The following TLR1 variants were observed in gnomAD, a reference collection of about 807,000 sequenced individuals.
TLR1 encodes the protein toll-like receptor 1.
In TLR1, 19 loss-of-function variants were observed where a neutral mutation model predicts 20.2. The ratio of observed to expected loss-of-function variants is 0.94; its 90% confidence interval spans 0.66 to 1.38. The LOEUF is 1.38. Among genes scored for constraint, TLR1 ranks in the 40% most tolerant of loss-of-function variants. TLR1 has a pLI of 0.00. For missense variants in TLR1, 921 were observed against 910.0 expected (o/e 1.01, Z -0.16); for synonymous variants, 320 against 334.5 (o/e 0.96, Z 0.47).
chr4:38,805,372 T>C (rs1249338789), upstream of TLR1: 3 of 152,328 alleles, frequency 2.0e-5, no homozygotes, highest in East Asian at 5.8e-4. Context: ...TTTCAAGCTT[T>C]CTTCAAAACA....
In TLR1 at chr4:38,798,411, G is replaced by C. The variant is rs1332062731; in HGVS notation, c.421C>G (p.Leu141Val). Reference sequence around the variant, plus strand: ...GTGGTGCTCAACCCCAGAAATTTTAGTTGAGACATATTGCCAAACTCTTTG... The same window carrying C: ...GTGGTGCTCAACCCCAGAAATTTTACTTGAGACATATTGCCAAACTCTTTG... Reference protein sequence around the residue: ...ICKEFGNMSQLKFLGLSTTHL... With the variant: ...ICKEFGNMSQVKFLGLSTTHL... Residue 141 changes from leucine (L) to valine (V), a missense_variant, in exon 4 of 4, where the codon CTA becomes GTA. Transcript: ENST00000308979. The C allele has an allele frequency of 2.5e-6, 4 of 1,613,392 alleles. No homozygotes were observed. The highest frequency in any genetic ancestry group is 2.2e-5 in the East Asian group (1 of 44,884).
At chr4:38,803,937 A>G (rs1332470218) in intron 2 of TLR1, among the ~76,000 whole-genome samples, 1 of 152,216 alleles carries the variant, frequency 6.6e-6, no homozygotes, top group Non-Finnish European at 1.5e-5. Flanking sequence ...GGAGGCATCA[A>G]ATCAAGGCTT....
chr4:38,798,983 T>A, intron 3 of TLR1, 85 bp from the exon 4 acceptor site: 1 of 667,536 alleles, frequency 1.5e-6, no homozygotes, highest in Non-Finnish European at 2.4e-6. Flanking sequence ...ATTAAACTTT[T>A]TTTTGTTACA....
intron 3 of TLR1, among the ~76,000 whole-genome samples, chr4:38,799,911 C>T (rs983028521): frequency 1.3e-5 from 2 of 152,002 alleles, no homozygotes; most frequent in Non-Finnish European, 2.9e-5. Context: ...AAGATAAAGT[C>T]CGAATTCTCA....
upstream of TLR1, chr4:38,805,119 G>T (rs183519767): frequency 1.3e-5 from 2 of 152,270 alleles, no homozygotes; most frequent in African/African-American, 4.8e-5. Flanking sequence ...TACCGTGGTG[G>T]CTATGCTTGG....
Position 38,797,014 on chromosome 4 carries a change from C to A in TLR1, c.1818G>T (p.Leu606=). The A allele has an allele frequency of 1.2e-6, 2 of 1,614,190 alleles. No individual in the cohort carries two copies. Among genetic ancestry groups the A allele is most frequent in the Non-Finnish European group, 1.7e-6 (2 of 1,180,040 alleles). ...GGCACACCATCCTGAGATACCAGGG[C>A]AGATCCAAGTAGCTGCAGAGGGAGG... ...TVTSLCSYLD[L]PWYLRMVCQW... is the part of the protein sequence containing the mutation. Residue 606 remains leucine (L), a synonymous_variant, in exon 4 of 4, where the codon CTG becomes CTT. Coordinates refer to ENST00000308979, the MANE Select transcript of TLR1 (RefSeq NM_003263.4).
downstream of TLR1, among the ~76,000 whole-genome samples, chr4:38,795,621 A>T (rs149277446): frequency 6.6e-6 from 1 of 152,234 alleles, no homozygotes; most frequent in Admixed American, 6.5e-5. Context: ...CTGAGGTGGA[A>T]CACTTTCTTG....
downstream of TLR1, among the ~76,000 whole-genome samples, chr4:38,789,947 A>C (rs1725679507): frequency 2.0e-5 from 3 of 152,204 alleles, no homozygotes; most frequent in African/African-American, 7.2e-5. Flanking sequence ...TCTTGTAGTT[A>C]ATAATTGCCT....
At chr4:38,788,411 C>A (rs1242947051), downstream of TLR1, among the ~76,000 whole-genome samples, 1 of 152,198 alleles carries the variant, frequency 6.6e-6, no homozygotes, top group East Asian at 1.9e-4. Flanking sequence ...CTTAGCATTG[C>A]TCTTAGGCAG....
chr4:38,788,170 G>A (rs544941066), downstream of TLR1, among the ~76,000 whole-genome samples: 3 of 152,168 alleles, frequency 2.0e-5, no homozygotes, highest in East Asian at 3.9e-4. Flanking sequence ...AGCACTGGGA[G>A]GAGAGGATCA....
rs200178542 is a variant in TLR1, at chr4:38,798,730, G to A, written c.102C>T (p.Asn34=). The A allele has an allele frequency of 7.3e-5, 117 of 1,612,938 alleles. No individual in the cohort carries two copies. The highest frequency in any genetic ancestry group is 1.2e-4 in the Admixed American group (7 of 59,954). ...ESEFLVDRSK[N]GLIHVPKDLS... ...GGTCTTTAGGAACGTGGATGAGACC[G>A]TTTTTTGACCTATCAACTAAAAATT... The change falls in exon 4 of 4, where the codon AAC becomes AAT. Residue 34 remains asparagine (N), a synonymous_variant. Coordinates refer to ENST00000308979, the MANE Select transcript of TLR1 (RefSeq NM_003263.4).
chr4:38,802,464 C>G (rs1201545594), intron 2 of TLR1, among the ~76,000 whole-genome samples: 1 of 152,232 alleles, frequency 6.6e-6, no homozygotes, highest in African/African-American at 2.4e-5. Context: ...ATGTACACAA[C>G]TTCAGTAAAC....
downstream of TLR1, among the ~76,000 whole-genome samples, chr4:38,794,086 T>C (rs1257891277): frequency 3.9e-5 from 6 of 152,140 alleles, no homozygotes; most frequent in Admixed American, 2.0e-4. Flanking sequence ...TCCAGAACTA[T>C]GGGAATAAAT....
rs201148050 is a variant in TLR1 at position 38,796,682 on chromosome 4, T to A, written c.2150A>T (p.Asn717Ile). The A allele has an allele frequency of 1.2e-6, 2 of 1,614,144 alleles. No homozygotes were observed. Among genetic ancestry groups the A allele is most frequent in the Admixed American group, 3.3e-5 (2 of 60,012 alleles). ...CHYELYFAHH[N>I]LFHEGSNSLI... is the part of the protein sequence containing the mutation. ...GCTATTAGATCCTTCATGAAAGAGA[T>A]TGTGATGGGCAAAGTAGAGTTCATA... The change falls in exon 4 of 4, where the codon AAT (asparagine) becomes ATT (isoleucine). Residue 717 changes from asparagine to isoleucine, a missense_variant. Asn to Ile is a moderately radical substitution (Grantham distance 149, BLOSUM62 -3). Coordinates refer to ENST00000308979, the MANE Select transcript of TLR1 (RefSeq NM_003263.4).
downstream of TLR1, among the ~76,000 whole-genome samples, chr4:38,790,467 G>A (rs890145930): frequency 6.6e-6 from 1 of 151,982 alleles, no homozygotes; most frequent in Non-Finnish European, 1.5e-5. Flanking sequence ...CTGATTCTTT[G>A]TATGTAACCT....
rs778804422 is a variant in TLR1, at chr4:38,796,548, T to C, written c.2284A>G (p.Lys762Glu). Residue 762 changes from lysine (K) to glutamate (E), a missense_variant, in exon 4 of 4, where the codon AAG becomes GAG. Coordinates refer to ENST00000308979, the MANE Select transcript of TLR1 (RefSeq NM_003263.4). ...GCCCAAAAAAGGCCACGTTTGCTCT[T>C]TTCCTTGGGCCATTCCAAATAAGTC... ...RRTYLEWPKEKSKRGLFWANL... is the reference protein window; with the variant it reads ...RRTYLEWPKEESKRGLFWANL... 3.1e-6 allele frequency: 5 copies of C among 1,614,220 alleles called. No individual in the cohort carries two copies. The South Asian group carries it at 4.4e-5, about 14-fold the overall frequency.
chr4:38,798,045 T>G lies in TLR1; in HGVS notation c.787A>C (p.Arg263=). The part of the protein sequence containing the change: ...NIETTWNSFI[R]ILQLVWHTTV... ...GTATGCCAAACCAGCTGGAGGATCC[T>G]AATGAAAGAATTCCAAGTTGTTTCA... is the stretch of plus-strand genomic sequence containing the variant. Residue 263 remains arginine, a synonymous_variant, in exon 4 of 4, where the codon AGG becomes CGG. Coordinates refer to ENST00000308979, the MANE Select transcript of TLR1 (RefSeq NM_003263.4). 6.2e-7 allele frequency: 1 copy of G among 1,614,018 alleles called. No individual in the cohort carries two copies. The highest frequency in any genetic ancestry group is 8.5e-7 in the Non-Finnish European group (1 of 1,179,906).
downstream of TLR1, among the ~76,000 whole-genome samples, chr4:38,792,875 A>ATATC (rs1553901942): frequency 2.0e-5 from 3 of 147,972 alleles, no homozygotes; most frequent in African/African-American, 7.5e-5. Context: ...ATATATATAT[A>ATATC]TCTCCAAATT....
In TLR1 at chr4:38,798,676, T is replaced by C. The variant is rs761768167; in HGVS notation, c.156A>G (p.Ile52Met). 6 of 1,614,040 alleles carry C rather than the reference T, an allele frequency of 3.7e-6. No individual in the cohort carries two copies. Among genetic ancestry groups the C allele is most frequent in the Non-Finnish European group, 5.1e-6 (6 of 1,179,930 alleles). The change falls in exon 4 of 4, where the codon ATA (isoleucine) becomes ATG (methionine). Residue 52 changes from isoleucine (I) to methionine (M), a missense_variant. Ile to Met is a conservative substitution (Grantham distance 10). Transcript: ENST00000308979. Reference protein sequence around the residue: ...DLSQKTTILNISQNYISELWT... With the variant: ...DLSQKTTILNMSQNYISELWT... ...AAAGCTCAGATATATAATTTTGCGATATATTTAAGATTGTTGTTTTCTGGG... is the reference window on the plus strand; with the variant it reads ...AAAGCTCAGATATATAATTTTGCGACATATTTAAGATTGTTGTTTTCTGGG...
Sources: gnomAD v4.1 joint callset for allele counts (sites outside exome capture counted in the v4.1 genomes callset) on GRCh38, gnomAD v4.1.1 for gene constraint, MANE v1.5 for transcripts, NCBI Gene and HGNC (gene_info 2026-07-23, HGNC 2026-07-21) for gene names.